COL23A1: variants seen among roughly 807,000 people sequenced by gnomAD.
COL23A1 encodes collagen type XXIII alpha 1 chain, also known as collagen alpha-1(XXIII) chain.
Under a neutral mutation model 99.3 loss-of-function variants are expected in COL23A1, and 97 were observed. The ratio of observed to expected loss-of-function variants is 0.98; its 90% CI spans 0.83 to 1.16. The LOEUF is 1.16. Ranked by LOEUF, COL23A1 falls within the 50% of genes most tolerant of loss-of-function variation. The pLI is 0.00. For synonymous variants in COL23A1, 320 were observed against 308.2 expected, an observed-to-expected ratio of 1.04 and a Z score of -0.40; for missense variants, 762 against 757.4, an observed-to-expected ratio of 1.01 and a Z score of -0.07.
Position 178,340,785 on chromosome 5 carries a change from C to T in COL23A1, c.362-33866G>A, listed in dbSNP as rs1760610784. Among the ~76,000 whole-genome samples the T allele has an allele frequency of 6.6e-6, 1 of 152,240 alleles. No homozygotes were observed. The highest frequency in any genetic ancestry group is 6.5e-5 in the Admixed American group (1 of 15,290). On this transcript the variant is annotated intron_variant, in intron 2 of 28. Coordinates refer to ENST00000390654, the MANE Select transcript of COL23A1 (RefSeq NM_173465.4). The surrounding 1 kb of genome is among the most constrained non-coding windows in gnomAD (Gnocchi z 4.7). ...TGGAGGTGGCCGGGGCAAGGCCTGG[C>T]TTTTCTTACATGGTGCTCCCACTTT...
intron 4 of COL23A1, among the ~76,000 whole-genome samples, chr5:178,288,833 C>T (rs971956649): frequency 3.3e-5 from 5 of 152,340 alleles, no homozygotes; most frequent in Middle Eastern, 3.4e-3. Flanking sequence ...TTCTCTGCCC[C>T]CTAGTTCCAG....
chr5:178,419,690 T>G (rs1404875907), intron 2 of COL23A1, among the ~76,000 whole-genome samples: 1 of 152,188 alleles, frequency 6.6e-6, no homozygotes, highest in Non-Finnish European at 1.5e-5. Context: ...GACTCAGTAC[T>G]TCTATATCTG....
At position 178,439,181 on chromosome 5, in the gene COL23A1, A is replaced by T. The variant is rs1442032600; in HGVS notation, c.361+121501T>A. On this transcript the variant is annotated intron_variant, in intron 2 of 28. Coordinates refer to ENST00000390654, the MANE Select transcript of COL23A1 (RefSeq NM_173465.4). This position sits in a 1 kb window ranked among gnomAD's most constrained non-coding sequence, Gnocchi z 4.2. ...AGCCACTCCCCTTACAGGATGTGGGAACCTTCTGAAGGGATGTGACTGCTG... is the reference window on the plus strand; with the variant it reads ...AGCCACTCCCCTTACAGGATGTGGGTACCTTCTGAAGGGATGTGACTGCTG... 1 of 152,238 alleles carries T rather than the reference A, an allele frequency of 6.6e-6. No homozygotes were observed. Among genetic ancestry groups the T allele is most frequent in the African/African-American group, 2.4e-5 (1 of 41,450 alleles). 9.4% of individuals were successfully genotyped at this position (152,238 alleles called of 1,614,324 possible). A position where few individuals can be genotyped will look rare whatever the true frequency, so the allele number is the denominator to read the frequency against.
intron 2 of COL23A1, among the ~76,000 whole-genome samples, chr5:178,345,820 C>T (rs1054773536): frequency 4.6e-5 from 7 of 151,928 alleles, no homozygotes; most frequent in South Asian, 2.1e-4. Context: ...CCGTTGCGCC[C>T]GGACTTTTTG....
At chr5:178,346,287 G>A (rs1760968090) in intron 2 of COL23A1, among the ~76,000 whole-genome samples, 1 of 152,160 alleles carries the variant, frequency 6.6e-6, no homozygotes, top group South Asian at 2.1e-4. Flanking sequence ...AGGCTGGAGT[G>A]CATTGGTGCG....
chr5:178,356,478 C>T (rs1761659910), intron 2 of COL23A1, among the ~76,000 whole-genome samples: 1 of 152,106 alleles, frequency 6.6e-6, no homozygotes, highest in South Asian at 2.1e-4. Flanking sequence ...CCAGAAGACA[C>T]CAGGATCGAC....
chr5:178,528,291 A>G (rs558779132), intron 2 of COL23A1, among the ~76,000 whole-genome samples: 1 of 151,100 alleles, frequency 6.6e-6, no homozygotes, highest in African/African-American at 2.4e-5. Context: ...CATCTCACAC[A>G]CTCCCTACAG....
intron 2 of COL23A1, among the ~76,000 whole-genome samples, chr5:178,465,677 G>A (rs1041416478): frequency 4.6e-5 from 7 of 152,208 alleles, no homozygotes; most frequent in African/African-American, 9.6e-5. Flanking sequence ...CTTTGGTGTC[G>A]GGAACGCAGC....
intron 2 of COL23A1, among the ~76,000 whole-genome samples, chr5:178,341,610 T>C (rs1342862734): frequency 6.6e-6 from 1 of 152,120 alleles, no homozygotes; most frequent in African/African-American, 2.4e-5. Context: ...CCTGGGTGGG[T>C]GAGGCTGGAA....
At chr5:178,541,490 G>A (rs987472429) in intron 2 of COL23A1, among the ~76,000 whole-genome samples, 5 of 152,266 alleles carry the variant, frequency 3.3e-5, no homozygotes, top group South Asian at 2.1e-4. Flanking sequence ...CAGGAGAATC[G>A]CTGGAACCCA....
chr5:178,541,844 G>A (rs147467557), intron 2 of COL23A1, among the ~76,000 whole-genome samples: 233 of 152,202 alleles, frequency 1.5e-3, no homozygotes, highest in South Asian at 5.8e-3. Flanking sequence ...TCCATACCAC[G>A]TGCTTCTATA....
Position 178,280,410 on chromosome 5 carries a change from C to T in COL23A1, c.441+7914G>A, listed in dbSNP as rs568468165. ...TGGTTCCCCCAATAGCTGAAGGGGC[C>T]GAGGCTTGGCGGGGCCAGGGACGTG... On this transcript the variant is annotated intron_variant, in intron 5 of 28. Transcript: ENST00000390654. This position sits in a 1 kb window ranked among gnomAD's most constrained non-coding sequence, Gnocchi z 4.9. Among the ~76,000 whole-genome samples, 100 of 152,160 alleles carry T rather than the reference C, an allele frequency of 6.6e-4. No homozygotes were observed. The highest frequency in any genetic ancestry group is 2.7e-3 in the Admixed American group (41 of 15,284).
intron 2 of COL23A1, among the ~76,000 whole-genome samples, chr5:178,487,288 T>TTTTTTTTA (rs773272887): frequency 0.045 from 5,285 of 116,436 alleles, 116 homozygotes; most frequent in East Asian, 0.052. Flanking sequence ...CCAGCCTCAG[T>TTTTTTTTA]TTTATTTATT....
intron 3 of COL23A1, among the ~76,000 whole-genome samples, chr5:178,304,379 C>T (rs1465778814): frequency 3.9e-5 from 6 of 151,992 alleles, no homozygotes; most frequent in Admixed American, 2.6e-4. Flanking sequence ...GGCGTGGTGA[C>T]GCGTGCCTGT....
chr5:178,334,996 C>T (rs983024523), intron 2 of COL23A1, among the ~76,000 whole-genome samples: 1 of 152,178 alleles, frequency 6.6e-6, no homozygotes, highest in East Asian at 1.9e-4. Context: ...GTTCAAGGCA[C>T]GAAGGGTTTC....
At chr5:178,371,087 C>T (rs151049271) in intron 2 of COL23A1, among the ~76,000 whole-genome samples, 87 of 152,320 alleles carry the variant, frequency 5.7e-4, no homozygotes, top group Non-Finnish European at 9.0e-4. Context: ...ATGAGGTTGA[C>T]GTCTCTCTCT....
At position 178,361,884 on chromosome 5, in the gene COL23A1, T is replaced by C. The variant is rs377504449; in HGVS notation, c.362-54965A>G. ...GGCGGGCAGGCTCCACATCCTGACA[T>C]TCCCGCCTCCCCTCCAGGGATTTTC... On this transcript the variant is annotated intron_variant, in intron 2 of 28. Coordinates refer to ENST00000390654, the MANE Select transcript of COL23A1 (RefSeq NM_173465.4). Among the ~76,000 whole-genome samples the C allele has an allele frequency of 2.1e-4, 32 of 152,240 alleles. No individual in the cohort carries two copies. In the East Asian group the frequency reaches 4.5e-3, roughly 21 times the overall value.
chr5:178,385,517 C>G (rs1220633103), intron 2 of COL23A1, among the ~76,000 whole-genome samples: 1 of 152,180 alleles, frequency 6.6e-6, no homozygotes, highest in Non-Finnish European at 1.5e-5. Context: ...GGAGCCTGGC[C>G]GGTCTCCTCC....
chr5:178,278,828 G>A (rs1756735930), intron 5 of COL23A1, among the ~76,000 whole-genome samples: 1 of 152,240 alleles, frequency 6.6e-6, no homozygotes, highest in South Asian at 2.1e-4. Context: ...CGGATGGAAT[G>A]GCTCCCTGGA....
Sources: allele counts gnomAD v4.1 joint callset (sites outside exome capture counted in the v4.1 genomes callset), GRCh38; gene constraint gnomAD v4.1.1; non-coding constraint Gnocchi (gnomAD v3.1); transcripts MANE v1.5; gene names NCBI Gene and HGNC (gene_info 2026-07-23, HGNC 2026-07-21).